The following OPCML variants were observed in gnomAD, a reference collection of about 807,000 sequenced individuals.
The protein encoded by OPCML is opioid-binding protein/cell adhesion molecule.
OPCML carries 13 observed loss-of-function variants against 37.8 expected under a neutral mutation model. That is an observed-to-expected ratio of 0.34 (90% CI 0.22 to 0.55). OPCML has a LOEUF of 0.55. Among genes scored for constraint, OPCML ranks in the 20% least tolerant of loss-of-function variants. OPCML has a pLI of 0.91. For synonymous variants in OPCML, 176 were observed against 168.8 expected, an observed-to-expected ratio of 1.04 and a Z score of -0.33; for missense variants, 341 against 435.6, an observed-to-expected ratio of 0.78 and a Z score of 1.93.
At chr11:132,984,634 G>A (rs11223314) in intron 1 of OPCML, among the ~76,000 whole-genome samples, 22,229 of 152,100 alleles carry the variant, frequency 0.15, 1,898 homozygotes, top group Non-Finnish European at 0.19. Flanking sequence ...ATTTTCCATC[G>A]CTATGTGTAC....
At chr11:133,224,809 T>G (rs549448527) in intron 1 of OPCML, among the ~76,000 whole-genome samples, 74 of 152,386 alleles carry the variant, frequency 4.9e-4, no homozygotes, top group African/African-American at 1.7e-3. Flanking sequence ...AACTTTTGAT[T>G]TATACAGTCC....
chr11:133,420,676 A>G (rs1945868127), intron 1 of OPCML: 3 of 985,286 alleles, frequency 3.0e-6, no homozygotes, highest in Non-Finnish European at 3.6e-6. Flanking sequence ...CAGGAAGTTG[A>G]AAAGGATGCA....
At chr11:133,125,735 GTATA>G (rs1416199052) in intron 1 of OPCML, among the ~76,000 whole-genome samples, 1 of 48,004 alleles carries the variant, frequency 2.1e-5, no homozygotes, top group African/African-American at 7.0e-5. Context: ...AGTATATATA[GTATA>G]TATATAGTAT....
At chr11:133,044,684 C>T (rs1261323026) in intron 1 of OPCML, among the ~76,000 whole-genome samples, 1 of 152,166 alleles carries the variant, frequency 6.6e-6, no homozygotes, top group Non-Finnish European at 1.5e-5. Context: ...GAAACTGAGG[C>T]ACAGAGCGGT....
At chr11:133,422,472 C>A (rs1429380405) in intron 1 of OPCML, 1 of 981,934 alleles carries the variant, frequency 1.0e-6, no homozygotes, top group Non-Finnish European at 1.2e-6. Flanking sequence ...GAAGTCTTAC[C>A]CATGTTAGCT....
chr11:133,046,948 ATTT>A (rs11361378), intron 1 of OPCML, among the ~76,000 whole-genome samples: 3 of 149,030 alleles, frequency 2.0e-5, no homozygotes, highest in African/African-American at 4.9e-5. Flanking sequence ...TAACTTTACA[ATTT>A]TTTTTTTTTT....
At chr11:133,245,589 C>T (rs1039892929) in intron 1 of OPCML, among the ~76,000 whole-genome samples, 4 of 152,124 alleles carry the variant, frequency 2.6e-5, no homozygotes, top group African/African-American at 7.2e-5. Flanking sequence ...GTGTCAAAAT[C>T]TCCAGCACAA....
At chr11:133,217,266 C>G (rs987107486) in intron 1 of OPCML, among the ~76,000 whole-genome samples, 1 of 152,200 alleles carries the variant, frequency 6.6e-6, no homozygotes, top group African/African-American at 2.4e-5. Context: ...CCCCCCAAAA[C>G]AAAGCACCCA....
intron 2 of OPCML, among the ~76,000 whole-genome samples, chr11:132,768,461 G>A (rs548267810): frequency 2.0e-5 from 3 of 152,300 alleles, no homozygotes; most frequent in South Asian, 4.1e-4. Context: ...AACATGGGAA[G>A]CATTGAGGCT....
At chr11:133,110,119 T>C (rs995843038) in intron 1 of OPCML, among the ~76,000 whole-genome samples, 6 of 152,148 alleles carry the variant, frequency 3.9e-5, no homozygotes, top group African/African-American at 1.2e-4. Context: ...CATATTTCAA[T>C]CCAAAAAGTC....
chr11:133,234,554 T>C (rs1940429524), intron 1 of OPCML, among the ~76,000 whole-genome samples: 1 of 152,260 alleles, frequency 6.6e-6, no homozygotes, highest in Admixed American at 6.5e-5. Flanking sequence ...GGCCTCCTGA[T>C]GGCGCAGCTC....
chr11:132,861,797 T>G (rs930751081), intron 2 of OPCML, among the ~76,000 whole-genome samples: 2 of 149,996 alleles, frequency 1.3e-5, no homozygotes, highest in African/African-American at 4.9e-5. Flanking sequence ...ATCGCACCAT[T>G]GCACTCCAGC....
At chr11:133,368,533 G>C (rs1047385856) in intron 1 of OPCML, among the ~76,000 whole-genome samples, 1 of 152,086 alleles carries the variant, frequency 6.6e-6, no homozygotes, top group Non-Finnish European at 1.5e-5. Context: ...AAAAAGAACA[G>C]GTCCTTGGAG....
At chr11:133,420,372 A>G in intron 1 of OPCML, 2 of 985,442 alleles carry the variant, frequency 2.0e-6, no homozygotes, top group Non-Finnish European at 2.4e-6. Context: ...TTAGGTCTCT[A>G]GGACAGTAGT....
chr11:133,440,727 A>AG (rs1485732209), intron 1 of OPCML, among the ~76,000 whole-genome samples: 15 of 120,208 alleles, frequency 1.2e-4, no homozygotes, highest in Non-Finnish European at 2.1e-4. Context: ...ACTCCCTCTC[A>AG]GGGAAAAAAA....
intron 1 of OPCML, chr11:133,004,617 G>T (rs1239483320): frequency 3.0e-6 from 3 of 985,480 alleles, no homozygotes; most frequent in Non-Finnish European, 3.6e-6. Flanking sequence ...CTCTGATCCA[G>T]TTGCTGCCCC....
chr11:133,255,729 A>G (rs1264474716), intron 1 of OPCML, among the ~76,000 whole-genome samples: 1 of 152,184 alleles, frequency 6.6e-6, no homozygotes, highest in Non-Finnish European at 1.5e-5. Context: ...CAGCAGTGGG[A>G]AATACAAACT....
At position 132,712,335 on chromosome 11, in the gene OPCML, T is replaced by A. The variant is rs114738384; in HGVS notation, c.147-55016A>T. 7.5e-3 allele frequency among the ~76,000 whole-genome samples: 1,139 copies of A among 151,382 alleles called. 18 individuals are homozygous for A. Among genetic ancestry groups the A allele is most frequent in the African/African-American group, 0.026 (1,082 of 41,244 alleles). ...ACATCCTCCTCCCCCACAAGTGGTC[T>A]GATGCGAGCTTGCCCGTCTCTGTGG... On this transcript the variant is annotated intron_variant, in intron 2 of 7. Transcript: ENST00000524381.
chr11:133,249,085 A>G (rs1314141019), intron 1 of OPCML, among the ~76,000 whole-genome samples: 1 of 152,190 alleles, frequency 6.6e-6, no homozygotes, highest in Non-Finnish European at 1.5e-5. Flanking sequence ...AGTAACATGA[A>G]AGGAGTAAGA....
Sources: allele counts gnomAD v4.1 joint callset (sites outside exome capture counted in the v4.1 genomes callset), GRCh38; gene constraint gnomAD v4.1.1; transcripts MANE v1.5; gene names NCBI Gene and HGNC (gene_info 2026-07-23, HGNC 2026-07-21).